Variants in GNG12 observed in about 807,000 individuals in gnomAD.
GNG12 encodes G protein subunit gamma 12, also known as guanine nucleotide-binding protein G(I)/G(S)/G(O) subunit gamma-12.
For missense variants in GNG12, 69 were observed against 83.8 expected (o/e 0.82, Z 0.69); for synonymous variants, 28 against 29.7 (o/e 0.94, Z 0.19).
chr1:67,735,010 C>T (rs569213655), intron 2 of GNG12, among the ~76,000 whole-genome samples: 173 of 152,168 alleles, frequency 1.1e-3, no homozygotes, highest in Non-Finnish European at 1.8e-3. Flanking sequence ...TGCATCACCA[C>T]GCCTGGCTAA....
intron 2 of GNG12, among the ~76,000 whole-genome samples, chr1:67,771,640 G>A (rs1309698322): frequency 6.6e-6 from 1 of 152,154 alleles, no homozygotes; most frequent in African/African-American, 2.4e-5. Flanking sequence ...ATTTTATGAT[G>A]CTATCATCTG....
intron 1 of GNG12, among the ~76,000 whole-genome samples, chr1:67,806,788 A>T (rs1336233310): frequency 6.6e-6 from 1 of 152,156 alleles, no homozygotes. Flanking sequence ...GCTAGGTAAA[A>T]AACTAATAGA....
intron 1 of GNG12, among the ~76,000 whole-genome samples, chr1:67,804,790 G>A (rs887946740): frequency 1.3e-5 from 2 of 152,010 alleles, no homozygotes; most frequent in Non-Finnish European, 2.9e-5. Flanking sequence ...GAGACTTCGT[G>A]TGGACAAGTC....
intron 2 of GNG12, among the ~76,000 whole-genome samples, chr1:67,717,681 T>G (rs682344): frequency 0.69 from 104,565 of 151,986 alleles, 36,015 homozygotes; most frequent in Admixed American, 0.71. Context: ...AAAAGCCTGA[T>G]TTTGTTAACA....
intron 1 of GNG12, among the ~76,000 whole-genome samples, chr1:67,815,001 C>A (rs1646945408): frequency 6.6e-6 from 1 of 152,198 alleles, no homozygotes; most frequent in Non-Finnish European, 1.5e-5. Flanking sequence ...TTTTGAGATT[C>A]CATTTTTCAT....
intron 2 of GNG12, among the ~76,000 whole-genome samples, chr1:67,753,421 T>C (rs1646550318): frequency 6.6e-6 from 1 of 152,016 alleles, no homozygotes; most frequent in African/African-American, 2.4e-5. Flanking sequence ...ATTCTCAATC[T>C]GTACTTGCTG....
chr1:67,715,717 T>A (rs941109606), intron 2 of GNG12, among the ~76,000 whole-genome samples: 3 of 152,178 alleles, frequency 2.0e-5, no homozygotes, highest in Admixed American at 1.3e-4. Context: ...CCCCTTCCAA[T>A]GATTGTACAA....
At chr1:67,815,274 TAAGA>T (rs1049611726) in intron 1 of GNG12, among the ~76,000 whole-genome samples, 1 of 152,190 alleles carries the variant, frequency 6.6e-6, no homozygotes, top group Admixed American at 6.5e-5. Context: ...CTGATAAAAA[TAAGA>T]AATGCTGCTG....
At position 67,777,444 on chromosome 1, in the gene GNG12, A is replaced by T. The variant is rs1015489003; in HGVS notation, c.-27+14T>A. ...AGTCAAACAGTCACTTTGTTTAAGA[A>T]ATGAAGAACTTACCAGTAAGACTTT... is the stretch of plus-strand genomic sequence containing the variant. On this transcript the variant is annotated intron_variant, in intron 2 of 3. Coordinates refer to ENST00000370982, the MANE Select transcript of GNG12 (RefSeq NM_018841.6). 1.2e-6 allele frequency: 1 copy of T among 857,160 alleles called. No individual in the cohort carries two copies. Among genetic ancestry groups the T allele is most frequent in the Admixed American group, 6.2e-5 (1 of 16,108 alleles). The allele number at this position is 857,160 out of a possible 1,614,324, so 53.1% of individuals were successfully genotyped here.
At chr1:67,763,511 C>T (rs1285065679) in intron 2 of GNG12, among the ~76,000 whole-genome samples, 1 of 151,332 alleles carries the variant, frequency 6.6e-6, no homozygotes, top group Non-Finnish European at 1.5e-5. Flanking sequence ...GTAGGGATAC[C>T]ACAGAAATAA....
intron 2 of GNG12, among the ~76,000 whole-genome samples, chr1:67,714,046 A>G (rs2100679126): frequency 1.3e-5 from 2 of 152,352 alleles, no homozygotes; most frequent in East Asian, 3.8e-4. Context: ...CAAAGCCTGC[A>G]GGCTAAATCC....
chr1:67,794,393 G>A (rs1186480259), intron 1 of GNG12, among the ~76,000 whole-genome samples: 1 of 152,124 alleles, frequency 6.6e-6, no homozygotes, highest in Non-Finnish European at 1.5e-5. Context: ...CAAAAGCCAG[G>A]GGTAGTGTGA....
chr1:67,731,855 G>A (rs1263948893), intron 2 of GNG12, among the ~76,000 whole-genome samples: 2 of 152,086 alleles, frequency 1.3e-5, no homozygotes, highest in Admixed American at 6.5e-5. Context: ...TTCATAATAC[G>A]GTTATTTTGT....
chr1:67,813,036 G>A (rs1394836077), intron 1 of GNG12, among the ~76,000 whole-genome samples: 2 of 152,170 alleles, frequency 1.3e-5, no homozygotes, highest in African/African-American at 4.8e-5. Context: ...GCTCCATAAT[G>A]ACGATGGCCC....
intron 1 of GNG12, among the ~76,000 whole-genome samples, chr1:67,808,877 C>A (rs974697174): frequency 1.3e-5 from 2 of 152,064 alleles, no homozygotes; most frequent in Admixed American, 6.6e-5. Context: ...CTAACTTGAC[C>A]TATAGATTCA....
At position 67,720,335 on chromosome 1, in the gene GNG12, G is replaced by GC. The variant is rs532703738; in HGVS notation, c.-26-12624dup. 3.3e-5 allele frequency among the ~76,000 whole-genome samples: 5 copies of GC among 152,324 alleles called. No homozygotes were observed. In the South Asian group the frequency reaches 1.0e-3, roughly 32 times the overall value. On this transcript the variant is annotated intron_variant, in intron 2 of 3. Transcript: ENST00000370982. Reference sequence around the variant, plus strand: ...GGGACCCATGAAGGAGTGGAACTTAGCCCCTTCTGTGCTCTGCTGGACCAG... The same window carrying GC: ...GGGACCCATGAAGGAGTGGAACTTAGCCCCCTTCTGTGCTCTGCTGGACCAG...
chr1:67,813,352 A>C (rs573657619), intron 1 of GNG12, among the ~76,000 whole-genome samples: 8 of 152,162 alleles, frequency 5.3e-5, no homozygotes, highest in Non-Finnish European at 1.2e-4. Flanking sequence ...TACATGATAA[A>C]TCTGGTGCAG....
At chr1:67,819,056 G>A (rs1419106971) in intron 1 of GNG12, among the ~76,000 whole-genome samples, 1 of 152,162 alleles carries the variant, frequency 6.6e-6, no homozygotes, top group Non-Finnish European at 1.5e-5. Context: ...GCTGGTGGCA[G>A]TGTGCAGGGT....
chr1:67,779,240 G>A (rs971646761), intron 1 of GNG12, among the ~76,000 whole-genome samples: 13 of 152,142 alleles, frequency 8.5e-5, no homozygotes, highest in Admixed American at 4.6e-4. Context: ...TCCACAGGCC[G>A]CAAAAGAATC....
Sources: gnomAD v4.1 joint callset for allele counts (sites outside exome capture counted in the v4.1 genomes callset) on GRCh38, gnomAD v4.1.1 for gene constraint, MANE v1.5 for transcripts, NCBI Gene and HGNC (gene_info 2026-07-23, HGNC 2026-07-21) for gene names.